The following SDK2 variants were observed in gnomAD, a reference collection of about 807,000 sequenced individuals.
SDK2 encodes sidekick cell adhesion molecule 2.
A neutral mutation model predicts 253.9 loss-of-function variants in SDK2; 105 were observed. The ratio of observed to expected loss-of-function variants is 0.41; its 90% CI spans 0.35 to 0.49. SDK2 has a LOEUF of 0.49. SDK2 is among the 20% of genes least tolerant of loss of function. The pLI is 0.06. For synonymous variants in SDK2, 1,249 were observed against 1,234.9 expected, an observed-to-expected ratio of 1.01 and a Z score of -0.24; for missense variants, 2,608 against 3,003.0, an observed-to-expected ratio of 0.87 and a Z score of 3.07.
At position 73,643,434 on chromosome 17, in the gene SDK2, C is replaced by T. The variant is rs547767919; in HGVS notation, c.64+591G>A. ...GCGGCTGCACCCGCGACCTTGGCTCCAGGCCCGCGCAGCGAAGCACCCCCA... is the reference window on the plus strand; with the variant it reads ...GCGGCTGCACCCGCGACCTTGGCTCTAGGCCCGCGCAGCGAAGCACCCCCA... On this transcript the variant is annotated intron_variant, in intron 1 of 44. Coordinates refer to ENST00000392650, the MANE Select transcript of SDK2 (RefSeq NM_001144952.2). The surrounding 1 kb of genome is among the most constrained non-coding windows in gnomAD (Gnocchi z 6.9). 6.6e-6 allele frequency among the ~76,000 whole-genome samples: 1 copy of T among 152,266 alleles called. No individual in the cohort carries two copies. Among genetic ancestry groups the T allele is most frequent in the East Asian group, 1.9e-4 (1 of 5,136 alleles).
chr17:73,387,795 G>C (rs1424882036), intron 30 of SDK2, 41 bp downstream of exon 30: 2 of 1,495,410 alleles, frequency 1.3e-6, no homozygotes, highest in Non-Finnish European at 1.8e-6. Context: ...TCCCGGCGGG[G>C]AGAGGGGCAG....
Position 73,568,407 on chromosome 17 carries a change from A to G in SDK2, c.65-60810T>C, listed in dbSNP as rs192291187. Among the ~76,000 whole-genome samples, 563 of 152,308 alleles carry G rather than the reference A, an allele frequency of 3.7e-3. 3 individuals are homozygous for G. The highest frequency in any genetic ancestry group is 7.6e-3 in the African/African-American group (315 of 41,568). ...CCAAATACACGTCTCTTCTTTATAC[A>G]TTATCCAGCCTCAGGTATTCCTTTA... On this transcript the variant is annotated intron_variant, in intron 1 of 44. Transcript: ENST00000392650.
chr17:73,389,049 C>T (rs2062904045), intron 29 of SDK2, among the ~76,000 whole-genome samples: 1 of 148,738 alleles, frequency 6.7e-6, no homozygotes, highest in Non-Finnish European at 1.5e-5. Flanking sequence ...ATCTGTTTCC[C>T]AGGCTGGAGT....
chr17:73,377,144 G>A (rs2062788835), intron 36 of SDK2, among the ~76,000 whole-genome samples: 1 of 150,414 alleles, frequency 6.6e-6, no homozygotes, highest in Admixed American at 6.6e-5. Context: ...ACTGGACACT[G>A]GTGCGGGAGG....
chr17:73,623,619 C>G (rs2046161909), intron 1 of SDK2, among the ~76,000 whole-genome samples: 1 of 152,148 alleles, frequency 6.6e-6, no homozygotes, highest in Non-Finnish European at 1.5e-5. Context: ...GTGGGGAGAG[C>G]ACAGATTGTC....
intron 1 of SDK2, among the ~76,000 whole-genome samples, chr17:73,529,978 C>T (rs2064156832): frequency 6.6e-6 from 1 of 152,164 alleles, no homozygotes; most frequent in African/African-American, 2.4e-5. Flanking sequence ...CCCATTCCTG[C>T]TGCCCAGTGG....
chr17:73,536,664 T>A (rs533584722), intron 1 of SDK2, among the ~76,000 whole-genome samples: 17 of 152,302 alleles, frequency 1.1e-4, no homozygotes, highest in Non-Finnish European at 2.4e-4. Context: ...GCAAAATCAC[T>A]CGTTGCTTTC....
Position 73,336,877 on chromosome 17 carries a change from T to TACGGGGCTGGCCTTACA in SDK2, c.*1709_*1710insTGTAAGGCCAGCCCCGT, listed in dbSNP as rs35772919. 1 of 152,566 alleles carries TACGGGGCTGGCCTTACA rather than the reference T, an allele frequency of 6.6e-6. No homozygotes were observed. Among genetic ancestry groups the TACGGGGCTGGCCTTACA allele is most frequent in the African/African-American group, 2.4e-5 (1 of 41,390 alleles). 9.5% of individuals were successfully genotyped at this position (152,566 alleles called of 1,614,324 possible). ...CCCATCTCAGCGGTGGGGCAGGTGT[T>TACGGGGCTGGCCTTACA]GGGCTGGCCTTACAGGGCTGGCTGA... On this transcript the variant is annotated 3_prime_UTR_variant, in exon 45 of 45. Coordinates refer to ENST00000392650, the MANE Select transcript of SDK2 (RefSeq NM_001144952.2).
Position 73,398,406 on chromosome 17 carries a change from C to G in SDK2, c.3117G>C (p.Glu1039Asp), listed in dbSNP as rs147287702. The G allele has an allele frequency of 1.2e-5, 20 of 1,613,934 alleles. No individual in the cohort carries two copies. Among genetic ancestry groups the G allele is most frequent in the Non-Finnish European group, 1.7e-5 (20 of 1,179,844 alleles). ...AGAGCTGGTGGATCAGCAACCACTC[C>G]TCTCCCTCCCCAACCACGCCTACCT... ...EAQVGVVGEG[E>D]EWLLIHQLSN... The change falls in exon 23 of 45, where the codon GAG becomes GAC. Residue 1039 changes from glutamate to aspartate, a missense_variant. Glu to Asp is a conservative substitution (Grantham distance 45, BLOSUM62 2). Coordinates refer to ENST00000392650, the MANE Select transcript of SDK2 (RefSeq NM_001144952.2).
In SDK2 at chr17:73,350,229, C is replaced by A; in HGVS notation, c.6038+8G>T. 1 of 567,696 alleles carries A rather than the reference C, an allele frequency of 1.8e-6. No individual in the cohort carries two copies. Among genetic ancestry groups the A allele is most frequent in the Non-Finnish European group, 2.4e-6 (1 of 421,126 alleles). The allele number at this position is 567,696 out of a possible 1,614,324, so 35.2% of individuals were successfully genotyped here. A position where few individuals can be genotyped will look rare whatever the true frequency, so the allele number is the denominator to read the frequency against. On this transcript the variant is annotated splice_region_variant and intron_variant, in intron 43 of 44. Transcript: ENST00000392650. ...CCTGGCCCCCAACCCACGCAGAGGG[C>A]CCAGTACCTGGTGTACAGGCCGTTC... is the stretch of plus-strand genomic sequence containing the variant.
chr17:73,631,889 A>G (rs1208374111), intron 1 of SDK2, among the ~76,000 whole-genome samples: 1 of 152,236 alleles, frequency 6.6e-6, no homozygotes, highest in Non-Finnish European at 1.5e-5. Flanking sequence ...GAGAGTCTTC[A>G]AGCCCTCAAC....
chr17:73,390,603 C>T, intron 28 of SDK2, 122 bp from the exon 29 acceptor site: 1 of 1,043,072 alleles, frequency 9.6e-7, no homozygotes, highest in Non-Finnish European at 1.4e-6. Context: ...GCCGTGGTCC[C>T]TTTGGCTGTG....
Position 73,337,918 on chromosome 17 carries a change from C to T in SDK2, c.*669G>A, listed in dbSNP as rs1011895679. The T allele has an allele frequency of 1.3e-5, 2 of 152,480 alleles. No individual in the cohort carries two copies. Among genetic ancestry groups the T allele is most frequent in the Admixed American group, 6.5e-5 (1 of 15,284 alleles). 9.4% of individuals were successfully genotyped at this position (152,480 alleles called of 1,614,324 possible). A position where few individuals can be genotyped will look rare whatever the true frequency, so the allele number is the denominator to read the frequency against. ...AGGAAGGCGCTAAGCAAATTCTCACCCTTTAGTTTTTTGTTTTTTGTTTTT... is the reference window on the plus strand; with the variant it reads ...AGGAAGGCGCTAAGCAAATTCTCACTCTTTAGTTTTTTGTTTTTTGTTTTT... On this transcript the variant is annotated 3_prime_UTR_variant, in exon 45 of 45. Transcript: ENST00000392650.
chr17:73,514,385 C>T (rs1288117727), intron 1 of SDK2, among the ~76,000 whole-genome samples: 1 of 152,154 alleles, frequency 6.6e-6, no homozygotes, highest in Non-Finnish European at 1.5e-5. Flanking sequence ...GGCTAAATGG[C>T]CCCATACAGA....
At chr17:73,432,902 AAG>A (rs1365555499) in intron 10 of SDK2, among the ~76,000 whole-genome samples, 1 of 151,304 alleles carries the variant, frequency 6.6e-6, no homozygotes, top group African/African-American at 2.4e-5. Flanking sequence ...GAGAGTTGTG[AAG>A]GTGAGTGTGC....
At chr17:73,503,696 G>A (rs551685326) in intron 2 of SDK2, among the ~76,000 whole-genome samples, 1 of 152,270 alleles carries the variant, frequency 6.6e-6, no homozygotes, top group East Asian at 1.9e-4. Context: ...TCCCTACCAC[G>A]TGGCTGTAGT....
Position 73,607,983 on chromosome 17 carries a change from C to T in SDK2, c.64+36042G>A, listed in dbSNP as rs997986747. Among the ~76,000 whole-genome samples the T allele has an allele frequency of 5.3e-5, 8 of 152,052 alleles. No individual in the cohort carries two copies. In the East Asian group the frequency reaches 7.7e-4, roughly 15 times the overall value. ...CTTTTTGTTAACATCTTGCACACTA[C>T]GGTACATTTGTCACAACCAAGGAAA... is the stretch of plus-strand genomic sequence containing the variant. On this transcript the variant is annotated intron_variant, in intron 1 of 44. Coordinates refer to ENST00000392650, the MANE Select transcript of SDK2 (RefSeq NM_001144952.2).
At chr17:73,485,425 A>G (rs1224204539) in intron 2 of SDK2, among the ~76,000 whole-genome samples, 2 of 152,156 alleles carry the variant, frequency 1.3e-5, no homozygotes, top group Non-Finnish European at 2.9e-5. Context: ...CCAGAGAAAG[A>G]GCCTGGCTGG....
chr17:73,512,550 T>TACACACAC (rs144659441), intron 1 of SDK2, among the ~76,000 whole-genome samples: 2 of 148,880 alleles, frequency 1.3e-5, no homozygotes, highest in African/African-American at 2.5e-5. Context: ...CACACACACA[T>TACACACAC]ACACACACAC....
Sources: allele counts gnomAD v4.1 joint callset (sites outside exome capture counted in the v4.1 genomes callset), GRCh38; gene constraint gnomAD v4.1.1; non-coding constraint Gnocchi (gnomAD v3.1); transcripts MANE v1.5; gene names NCBI Gene and HGNC (gene_info 2026-07-23, HGNC 2026-07-21).